The following CADM2 variants were observed in gnomAD, a reference collection of about 807,000 sequenced individuals.
The protein encoded by CADM2 is immunoglobulin superfamily member 4D.
In CADM2, 12 loss-of-function variants were observed where a neutral mutation model predicts 49.8. The observed-to-expected ratio is 0.24, with a 90% CI of 0.15 to 0.39. The LOEUF is 0.39. Among genes scored for constraint, CADM2 ranks in the 10% least tolerant of loss-of-function variants. CADM2 has a pLI of 1.00. For missense variants in CADM2, 378 were observed against 492.3 expected (o/e 0.77, Z 2.20); for synonymous variants, 214 against 175.4 (o/e 1.22, Z -1.74).
At chr3:85,355,434 T>G (rs532220326) in intron 1 of CADM2, among the ~76,000 whole-genome samples, 1 of 152,278 alleles carries the variant, frequency 6.6e-6, no homozygotes, top group South Asian at 2.1e-4. Flanking sequence ...GGGTATTATT[T>G]TTATTTCTCA....
At chr3:85,210,070 T>C (rs1295920881) in intron 1 of CADM2, among the ~76,000 whole-genome samples, 1 of 152,212 alleles carries the variant, frequency 6.6e-6, no homozygotes, top group Non-Finnish European at 1.5e-5. Context: ...TAAATTGCTA[T>C]TTTAGAAATT....
chr3:85,358,379 T>A (rs11127885), intron 1 of CADM2, among the ~76,000 whole-genome samples: 141,096 of 152,000 alleles, frequency 0.93, 65,766 homozygotes, highest in Non-Finnish European at 0.97. Context: ...ATGTTATACA[T>A]CATTTTCCAA....
At chr3:85,286,985 C>G (rs774818294) in intron 1 of CADM2, among the ~76,000 whole-genome samples, 12 of 152,106 alleles carry the variant, frequency 7.9e-5, no homozygotes, top group Non-Finnish European at 1.6e-4. Flanking sequence ...TTATGAGAAG[C>G]CTCATCACAC....
At chr3:85,367,833 A>ATG (rs10547677) in intron 1 of CADM2, among the ~76,000 whole-genome samples, 6,963 of 148,064 alleles carry the variant, frequency 0.047, 531 homozygotes, top group African/African-American at 0.16. Flanking sequence ...ATACATATAT[A>ATG]TGTGTGTGTG....
chr3:85,000,896 G>T (rs969564448), intron 1 of CADM2, among the ~76,000 whole-genome samples: 6 of 151,922 alleles, frequency 3.9e-5, no homozygotes, highest in Non-Finnish European at 4.4e-5. Context: ...TTATCAATAA[G>T]AAAACAAAGT....
chr3:84,992,438 G>A (rs894051576), intron 1 of CADM2, among the ~76,000 whole-genome samples: 6 of 151,974 alleles, frequency 3.9e-5, no homozygotes, highest in Non-Finnish European at 8.8e-5. Flanking sequence ...TGACCATCCT[G>A]GCCAATGTGG....
intron 2 of CADM2, among the ~76,000 whole-genome samples, chr3:85,774,911 T>TATATAACTATATATA (rs1188370101): frequency 8.6e-5 from 13 of 151,736 alleles, no homozygotes; most frequent in African/African-American, 3.1e-4. Context: ...ATGATACACA[T>TATATAACTATATATA]GTATATAGTT....
At chr3:85,877,459 C>G (rs141080669) in intron 3 of CADM2, among the ~76,000 whole-genome samples, 1 of 151,978 alleles carries the variant, frequency 6.6e-6, no homozygotes, top group Non-Finnish European at 1.5e-5. Flanking sequence ...ATATTTGGGA[C>G]CTGCTACATA....
intron 1 of CADM2, among the ~76,000 whole-genome samples, chr3:85,403,260 T>G (rs1288267624): frequency 6.6e-6 from 1 of 152,128 alleles, no homozygotes; most frequent in Non-Finnish European, 1.5e-5. Flanking sequence ...TTCTTTAAAT[T>G]TTAAGTATGT....
At chr3:85,349,781 G>C (rs2031150288) in intron 1 of CADM2, among the ~76,000 whole-genome samples, 1 of 152,168 alleles carries the variant, frequency 6.6e-6, no homozygotes, top group African/African-American at 2.4e-5. Flanking sequence ...TCTTGGACTA[G>C]GGAATATAAA....
At chr3:85,175,592 A>G (rs2040760521) in intron 1 of CADM2, among the ~76,000 whole-genome samples, 1 of 152,052 alleles carries the variant, frequency 6.6e-6, no homozygotes, top group South Asian at 2.1e-4. Context: ...GTGGGAGGAG[A>G]GAATGGGGAA....
chr3:86,055,448 C>A (rs1015778267), intron 8 of CADM2, among the ~76,000 whole-genome samples: 3 of 132,964 alleles, frequency 2.3e-5, no homozygotes, highest in Non-Finnish European at 4.6e-5. Context: ...CTGGGCATCC[C>A]CTCTTTTTTT....
At chr3:85,606,020 G>A (rs1425727234) in intron 1 of CADM2, among the ~76,000 whole-genome samples, 1 of 152,010 alleles carries the variant, frequency 6.6e-6, no homozygotes, top group African/African-American at 2.4e-5. Context: ...AGTCCTCATA[G>A]GCACAATTGG....
At chr3:85,153,950 A>T (rs1189393365) in intron 1 of CADM2, among the ~76,000 whole-genome samples, 1 of 152,090 alleles carries the variant, frequency 6.6e-6, no homozygotes, top group African/African-American at 2.4e-5. Context: ...CATCACCATC[A>T]TCAAAGACCA....
At chr3:85,346,474 A>G (rs1346424829) in intron 1 of CADM2, among the ~76,000 whole-genome samples, 1 of 152,170 alleles carries the variant, frequency 6.6e-6, no homozygotes, top group African/African-American at 2.4e-5. Flanking sequence ...GATCAGATGC[A>G]TTAAGATGAT....
At chr3:85,647,621 G>T (rs1256508563) in intron 1 of CADM2, among the ~76,000 whole-genome samples, 3 of 151,492 alleles carry the variant, frequency 2.0e-5, no homozygotes, top group Non-Finnish European at 4.4e-5. Context: ...TTTTAAAATT[G>T]ACTTTTAGAA....
intron 1 of CADM2, among the ~76,000 whole-genome samples, chr3:85,697,030 G>C (rs976792171): frequency 6.7e-6 from 1 of 149,180 alleles, no homozygotes; most frequent in African/African-American, 2.5e-5. Flanking sequence ...AAACTTCATA[G>C]AGCTTCATAT....
At chr3:85,634,531 G>GT (rs2064403590) in intron 1 of CADM2, among the ~76,000 whole-genome samples, 1 of 151,914 alleles carries the variant, frequency 6.6e-6, no homozygotes, top group South Asian at 2.1e-4. Flanking sequence ...GTGTAACAAG[G>GT]TATGTCAAAA....
chr3:84,984,424 T>A, intron 1 of CADM2, among the ~76,000 whole-genome samples: 1 of 134,708 alleles, frequency 7.4e-6, no homozygotes, highest in East Asian at 2.5e-4. Flanking sequence ...CTCCCTTACC[T>A]CCCATGTTAA....
Sources: gnomAD v4.1 joint callset for allele counts (sites outside exome capture counted in the v4.1 genomes callset) on GRCh38, gnomAD v4.1.1 for gene constraint, MANE v1.5 for transcripts, NCBI Gene and HGNC (gene_info 2026-07-23, HGNC 2026-07-21) for gene names.